The following GOLM1 variants were observed in gnomAD, a reference collection of about 807,000 sequenced individuals.
The protein encoded by GOLM1 is epididymis luminal protein 46.
In GOLM1, 31 loss-of-function variants were observed where a neutral mutation model predicts 50.5. That is an observed-to-expected ratio of 0.61 (90% CI 0.46 to 0.83). GOLM1 has a LOEUF of 0.83. GOLM1 is among the 40% of genes least tolerant of loss of function. The pLI, the probability that GOLM1 is intolerant of heterozygous loss-of-function variation, is 0.00. For synonymous variants in GOLM1, 178 were observed against 192.8 expected (o/e 0.92, Z 0.64); for missense variants, 491 against 501.3 (o/e 0.98, Z 0.20).
Position 86,027,500 on chromosome 9 carries a change from T to G in GOLM1, c.*317A>C. 1 of 1,137,436 alleles carries G rather than the reference T, an allele frequency of 8.8e-7. No homozygotes were observed. The allele number at this position is 1,137,436 out of a possible 1,614,324, so 70.5% of individuals were successfully genotyped here. ...GGCTGTTAATTTACACAAAGTTATA[T>G]TCCAGAATCAGGAAGCCCCGCTGTC... On this transcript the variant is annotated 3_prime_UTR_variant, in exon 10 of 10. Coordinates refer to ENST00000388712, the MANE Select transcript of GOLM1 (RefSeq NM_016548.4).
intron 3 of GOLM1, among the ~76,000 whole-genome samples, chr9:86,065,585 G>A (rs1210662434): frequency 1.3e-5 from 2 of 152,256 alleles, no homozygotes; most frequent in South Asian, 4.1e-4. Context: ...GCAGTCTGGT[G>A]GGGCCAGTGT....
intron 1 of GOLM1, among the ~76,000 whole-genome samples, chr9:86,083,810 C>T (rs759295166): frequency 2.6e-5 from 4 of 152,182 alleles, no homozygotes; most frequent in Admixed American, 6.5e-5. Flanking sequence ...AAATCCAAAA[C>T]GGTCTCTAAA....
intron 1 of GOLM1, among the ~76,000 whole-genome samples, chr9:86,094,619 G>A (rs1835296922): frequency 1.3e-5 from 2 of 152,180 alleles, no homozygotes; most frequent in Admixed American, 1.3e-4. Flanking sequence ...TCTGAAGAAA[G>A]GTTGAACCAC....
intron 9 of GOLM1, among the ~76,000 whole-genome samples, chr9:86,028,285 G>A (rs1442969777): frequency 1.3e-5 from 2 of 152,170 alleles, no homozygotes; most frequent in Admixed American, 6.5e-5. Flanking sequence ...GCGGCTGGAC[G>A]TCAAGAGGAA....
intron 1 of GOLM1, among the ~76,000 whole-genome samples, chr9:86,085,455 T>TG (rs60549739): frequency 0.16 from 19,960 of 123,900 alleles, 2,331 homozygotes; most frequent in East Asian, 0.49. Flanking sequence ...AAGTTTTTGT[T>TG]TTTTTTTTTT....
chr9:86,053,610 C>T (rs866597400), intron 3 of GOLM1, among the ~76,000 whole-genome samples: 1,292 of 20,766 alleles, frequency 0.062, 35 homozygotes, highest in African/African-American at 0.15. Context: ...ACACACATCA[C>T]ACACCACACC....
At chr9:86,061,551 G>C (rs932898738) in intron 3 of GOLM1, among the ~76,000 whole-genome samples, 1 of 152,226 alleles carries the variant, frequency 6.6e-6, no homozygotes, top group Non-Finnish European at 1.5e-5. Flanking sequence ...ACCGGGATGG[G>C]AGAGATTTTC....
intron 3 of GOLM1, among the ~76,000 whole-genome samples, chr9:86,057,098 A>T (rs1834015832): frequency 6.6e-6 from 1 of 152,258 alleles, no homozygotes; most frequent in African/African-American, 2.4e-5. Flanking sequence ...TCCCCTAAAA[A>T]CACAGACAAG....
intron 6 of GOLM1, among the ~76,000 whole-genome samples, chr9:86,040,320 G>A (rs1187738429): frequency 1.3e-5 from 2 of 152,122 alleles, no homozygotes; most frequent in East Asian, 3.9e-4. Flanking sequence ...CAGCAGCTTC[G>A]TGGGCTGTGC....
At chr9:86,085,804 A>C (rs1834942286) in intron 1 of GOLM1, among the ~76,000 whole-genome samples, 1 of 152,188 alleles carries the variant, frequency 6.6e-6, no homozygotes, top group East Asian at 1.9e-4. Context: ...CTGGCAAAGG[A>C]CATGAACTCA....
chr9:86,069,534 G>C (rs1245518202), intron 3 of GOLM1, among the ~76,000 whole-genome samples: 1 of 152,190 alleles, frequency 6.6e-6, no homozygotes, highest in Non-Finnish European at 1.5e-5. Flanking sequence ...AATGAGCACA[G>C]TCTGCAGGAT....
intron 3 of GOLM1, among the ~76,000 whole-genome samples, chr9:86,075,783 T>C (rs1180921962): frequency 6.6e-6 from 1 of 151,910 alleles, no homozygotes; most frequent in Admixed American, 6.6e-5. Context: ...CTTTTTTTTC[T>C]TTTTCTTTTT....
intron 3 of GOLM1, among the ~76,000 whole-genome samples, chr9:86,063,510 C>T (rs1378253969): frequency 6.6e-6 from 1 of 152,178 alleles, no homozygotes. Flanking sequence ...CAGGTTACAG[C>T]GTCACAGTCA....
rs1305832049 is a variant in GOLM1 at position 86,027,119 on chromosome 9, G to C, written c.*698C>G. The C allele has an allele frequency of 4.1e-6, 4 of 984,102 alleles. No homozygotes were observed. The Admixed American group carries it at 1.9e-4, about 46-fold the overall frequency. 61.0% of individuals were successfully genotyped at this position (984,102 alleles called of 1,614,324 possible). A position where few individuals can be genotyped will look rare whatever the true frequency, so the allele number is the denominator to read the frequency against. On this transcript the variant is annotated 3_prime_UTR_variant, in exon 10 of 10. Coordinates refer to ENST00000388712, the MANE Select transcript of GOLM1 (RefSeq NM_016548.4). ...TTGCTTTGCCCACACACGAAGCAAA[G>C]TAAATAAAGACCACAAATGTTCAAA... is the stretch of plus-strand genomic sequence containing the variant.
rs1564337671 is a variant in GOLM1, at chr9:86,027,772, G to A, written c.*45C>T. The A allele has an allele frequency of 1.3e-6, 2 of 1,594,520 alleles. No homozygotes were observed. Among genetic ancestry groups the A allele is most frequent in the South Asian group, 1.1e-5 (1 of 87,648 alleles). On this transcript the variant is annotated 3_prime_UTR_variant, in exon 10 of 10. Transcript: ENST00000388712. Reference sequence around the variant, plus strand: ...TTCAGTCCCTCATGAACATTTTATAGTCATCTCTTCGGCCCTGTTGTGAAA... The same window carrying A: ...TTCAGTCCCTCATGAACATTTTATAATCATCTCTTCGGCCCTGTTGTGAAA...
At chr9:86,093,692 T>C (rs913579872) in intron 1 of GOLM1, among the ~76,000 whole-genome samples, 3 of 152,226 alleles carry the variant, frequency 2.0e-5, no homozygotes, top group Admixed American at 6.5e-5. Flanking sequence ...GACAAAATGT[T>C]TGTAATTTAA....
intron 3 of GOLM1, among the ~76,000 whole-genome samples, chr9:86,061,085 G>A (rs773407689): frequency 6.6e-6 from 1 of 152,102 alleles, no homozygotes; most frequent in African/African-American, 2.4e-5. Context: ...AACGGCACGA[G>A]TTGTAATCGC....
chr9:86,095,074 T>A (rs1478355138), intron 1 of GOLM1, among the ~76,000 whole-genome samples: 10 of 135,194 alleles, frequency 7.4e-5, no homozygotes, highest in Non-Finnish European at 7.9e-5. Flanking sequence ...AAACCCCGTC[T>A]AAAAAAAAAA....
At chr9:86,068,417 G>T (rs6559896) in intron 3 of GOLM1, among the ~76,000 whole-genome samples, 1 of 152,082 alleles carries the variant, frequency 6.6e-6, no homozygotes, top group Non-Finnish European at 1.5e-5. Flanking sequence ...TCCTCCCGCT[G>T]GTCAGGTCTG....
Sources: gnomAD v4.1 joint callset for allele counts (sites outside exome capture counted in the v4.1 genomes callset) on GRCh38, gnomAD v4.1.1 for gene constraint, MANE v1.5 for transcripts, NCBI Gene and HGNC (gene_info 2026-07-23, HGNC 2026-07-21) for gene names.